The following HTR2A variants were observed in gnomAD, a reference collection of about 807,000 sequenced individuals.
The protein encoded by HTR2A is 5-HT2 receptor.
In HTR2A, 14 loss-of-function variants were observed where a neutral mutation model predicts 31.0. The observed-to-expected ratio is 0.45, with a 90% CI of 0.30 to 0.71. The LOEUF (loss-of-function observed/expected upper bound fraction) is 0.71, where lower values mean the gene tolerates loss of function less well. Ranked by LOEUF, HTR2A falls within the 30% of genes least tolerant of loss-of-function variation. The pLI is 0.09. For synonymous variants in HTR2A, 209 were observed against 225.2 expected (o/e 0.93, Z 0.64); for missense variants, 442 against 573.3 (o/e 0.77, Z 2.34).
At chr13:46,887,377 C>T (rs563693092) in intron 3 of HTR2A, among the ~76,000 whole-genome samples, 18 of 148,596 alleles carry the variant, frequency 1.2e-4, no homozygotes, top group African/African-American at 2.2e-4. Flanking sequence ...GAGCCGAGAT[C>T]GCGCCACTGC....
At chr13:46,881,015 T>G (rs1343456704) in intron 3 of HTR2A, among the ~76,000 whole-genome samples, 1 of 152,216 alleles carries the variant, frequency 6.6e-6, no homozygotes, top group Non-Finnish European at 1.5e-5. Context: ...AGAAGTCAGC[T>G]GCCACTCTGG....
chr13:46,877,996 T>C (rs1950928775), intron 3 of HTR2A, among the ~76,000 whole-genome samples: 1 of 151,932 alleles, frequency 6.6e-6, no homozygotes, highest in Non-Finnish European at 1.5e-5. Flanking sequence ...AGAGATGAAA[T>C]AGAGGTATGG....
intron 3 of HTR2A, among the ~76,000 whole-genome samples, chr13:46,869,751 T>C (rs992930171): frequency 6.6e-6 from 1 of 152,154 alleles, no homozygotes; most frequent in African/African-American, 2.4e-5. Flanking sequence ...AGTTCTGATA[T>C]GTACTATACT....
intron 3 of HTR2A, among the ~76,000 whole-genome samples, chr13:46,859,927 C>T (rs956936256): frequency 2.0e-5 from 3 of 152,174 alleles, no homozygotes; most frequent in Non-Finnish European, 2.9e-5. Flanking sequence ...ATTAAGTTCA[C>T]GGCTAAAGAA....
chr13:46,840,263 C>T (rs1950587578), intron 3 of HTR2A, among the ~76,000 whole-genome samples: 1 of 152,088 alleles, frequency 6.6e-6, no homozygotes, highest in Non-Finnish European at 1.5e-5. Context: ...ATATATAGGG[C>T]AACTGCCAAT....
Position 46,834,340 on chromosome 13 carries a change from AG to A in HTR2A, c.*496del, listed in dbSNP as rs1876354626. 2 of 153,154 alleles carry A rather than the reference AG, an allele frequency of 1.3e-5. No homozygotes were observed. The highest frequency in any genetic ancestry group is 4.1e-4 in the South Asian group (2 of 4,848). The allele number at this position is 153,154 out of a possible 1,614,324, so 9.5% of individuals were successfully genotyped here. On this transcript the variant is annotated 3_prime_UTR_variant, in exon 4 of 4. Transcript: ENST00000542664. ...ATACAGATTTTATAACACTGACCTT[AG>A]TGGCTTTTTTTTTCTCCTTTCAAAA...
Position 46,897,037 on chromosome 13 carries a change from G to A in HTR2A, c.-692C>T. 1 of 561,468 alleles carries A rather than the reference G, an allele frequency of 1.8e-6. No individual in the cohort carries two copies. The allele number at this position is 561,468 out of a possible 1,614,324, so 34.8% of individuals were successfully genotyped here. On this transcript the variant is annotated 5_prime_UTR_variant, in exon 1 of 4. Transcript: ENST00000542664. The stretch of plus-strand genomic sequence containing the variant: ...ACCAAGGGACTCCTGGTTTCCACGG[G>A]AATGGAGTAGCTCTCTGACTGTCTC...
rs1456574862 is a variant in HTR2A at position 46,832,869 on chromosome 13, A to AGCATTG, written c.*1962_*1967dup. 2 of 152,196 alleles carry AGCATTG rather than the reference A, an allele frequency of 1.3e-5. No homozygotes were observed. The highest frequency in any genetic ancestry group is 2.9e-5 in the Non-Finnish European group (2 of 68,022). The allele number at this position is 152,196 out of a possible 1,614,324, so 9.4% of individuals were successfully genotyped here. ...ATTTCTCATTCAATAGAAATGCTTC[A>AGCATTG]GCATTGTAATCATATATATAACATT... is the stretch of plus-strand genomic sequence containing the variant. On this transcript the variant is annotated 3_prime_UTR_variant, in exon 4 of 4. Transcript: ENST00000542664.
At chr13:46,838,422 G>A (rs964677359) in intron 3 of HTR2A, among the ~76,000 whole-genome samples, 1 of 152,140 alleles carries the variant, frequency 6.6e-6, no homozygotes, top group Admixed American at 6.5e-5. Flanking sequence ...ACAGCACCCA[G>A]TCCATAGTGA....
At chr13:46,850,978 T>A (rs535596233) in intron 3 of HTR2A, among the ~76,000 whole-genome samples, 2 of 152,310 alleles carry the variant, frequency 1.3e-5, no homozygotes, top group Admixed American at 1.3e-4. Context: ...CAAATTAACC[T>A]ATAGATGATT....
intron 3 of HTR2A, 50 bp from the exon 4 acceptor site, chr13:46,835,689 G>T: frequency 7.4e-7 from 1 of 1,351,156 alleles, no homozygotes; most frequent in Non-Finnish European, 1.0e-6. Context: ...TTAAGTATAT[G>T]AAGGCAAGAG....
At position 46,833,742 on chromosome 13, in the gene HTR2A, A is replaced by G. The variant is rs1876334056; in HGVS notation, c.*1095T>C. The G allele has an allele frequency of 6.6e-6, 1 of 152,192 alleles. No homozygotes were observed. The highest frequency in any genetic ancestry group is 2.4e-5 in the African/African-American group (1 of 41,454). 9.4% of individuals were successfully genotyped at this position (152,192 alleles called of 1,614,324 possible). A position where few individuals can be genotyped will look rare whatever the true frequency, so the allele number is the denominator to read the frequency against. Reference sequence around the variant, plus strand: ...TCATATCTAGAAATTTGCTTCACACATAAATGTACACTCAATAGATGATTG... The same window carrying G: ...TCATATCTAGAAATTTGCTTCACACGTAAATGTACACTCAATAGATGATTG... On this transcript the variant is annotated 3_prime_UTR_variant, in exon 4 of 4. Coordinates refer to ENST00000542664, the MANE Select transcript of HTR2A (RefSeq NM_000621.5).
chr13:46,859,827 C>T (rs575051446), intron 3 of HTR2A, among the ~76,000 whole-genome samples: 42 of 152,244 alleles, frequency 2.8e-4, no homozygotes, highest in African/African-American at 1.0e-3. Flanking sequence ...TGGACTGATA[C>T]AAGGTAAAGA....
At chr13:46,849,597 A>G (rs1040902382) in intron 3 of HTR2A, among the ~76,000 whole-genome samples, 2 of 151,988 alleles carry the variant, frequency 1.3e-5, no homozygotes, top group Non-Finnish European at 1.5e-5. Flanking sequence ...TGGTTACTTC[A>G]TCAGGGCCTT....
rs1951101807 is a variant in HTR2A, at chr13:46,896,056, T to G, written c.-150A>C. ...GGGGCTGGATTTTTGTCTTCCATTA[T>G]TACAATGATAGTTAAAGAACTGAAC... On this transcript the variant is annotated 5_prime_UTR_variant, in exon 2 of 4. Coordinates refer to ENST00000542664, the MANE Select transcript of HTR2A (RefSeq NM_000621.5). 7.1e-7 allele frequency: 1 copy of G among 1,405,948 alleles called. No individual in the cohort carries two copies. The highest frequency in any genetic ancestry group is 1.4e-5 in the African/African-American group (1 of 69,262). The allele number at this position is 1,405,948 out of a possible 1,614,324, so 87.1% of individuals were successfully genotyped here.
chr13:46,838,967 GACACACACATACACACACAC>G (rs1023746757), intron 3 of HTR2A, among the ~76,000 whole-genome samples: 1 of 136,772 alleles, frequency 7.3e-6, no homozygotes, highest in Non-Finnish European at 1.5e-5. Context: ...TCTTTGGTTG[GACACACACATACACACACAC>G]ACACACACAC....
At chr13:46,839,408 A>G (rs1950582620) in intron 3 of HTR2A, among the ~76,000 whole-genome samples, 1 of 152,212 alleles carries the variant, frequency 6.6e-6, no homozygotes, top group Non-Finnish European at 1.5e-5. Flanking sequence ...TACAATCAGC[A>G]GCTCAAAAGC....
At chr13:46,846,200 A>T (rs781229819) in intron 3 of HTR2A, among the ~76,000 whole-genome samples, 16 of 152,308 alleles carry the variant, frequency 1.1e-4, no homozygotes, top group Non-Finnish European at 1.9e-4. Flanking sequence ...CTCCCATAAA[A>T]TGGGGATTAA....
chr13:46,840,819 T>C lies in HTR2A; in HGVS notation c.614-5180A>G, dbSNP rs146221388. ...TATTTCCTTGGAGATAGATCTTTCC[T>C]TAGATGGGCAGAAAAATTCTAGCCC... On this transcript the variant is annotated intron_variant, in intron 3 of 3. Coordinates refer to ENST00000542664, the MANE Select transcript of HTR2A (RefSeq NM_000621.5). 6.3e-3 allele frequency among the ~76,000 whole-genome samples: 966 copies of C among 152,334 alleles called. 9 individuals carry two copies. The highest frequency in any genetic ancestry group is 0.022 in the African/African-American group (901 of 41,572).
Sources: gnomAD v4.1 joint callset for allele counts (sites outside exome capture counted in the v4.1 genomes callset) on GRCh38, gnomAD v4.1.1 for gene constraint, MANE v1.5 for transcripts, NCBI Gene and HGNC (gene_info 2026-07-23, HGNC 2026-07-21) for gene names.